ATRNL1: variants seen among roughly 807,000 people sequenced by gnomAD.
ATRNL1 encodes attractin like 1, also known as attractin-like protein 1.
ATRNL1 carries 95 observed loss-of-function variants against 182.7 expected under a neutral mutation model. That is an observed-to-expected ratio of 0.52 (90% CI 0.44 to 0.62). The LOEUF is 0.62. Ranked by LOEUF, ATRNL1 falls within the 20% of genes least tolerant of loss-of-function variation. The probability of loss-of-function intolerance (pLI) is 0.00; values close to 1 mark genes in which losing one functional copy is unlikely to be tolerated. For missense variants in ATRNL1, 1,471 were observed against 1,679.5 expected (o/e 0.88, Z 2.17); for synonymous variants, 576 against 568.3 (o/e 1.01, Z -0.19).
intron 26 of ATRNL1, among the ~76,000 whole-genome samples, chr10:115,565,640 C>T (rs1396649164): frequency 1.3e-5 from 2 of 152,072 alleles, no homozygotes; most frequent in African/African-American, 4.8e-5. Flanking sequence ...AGCACACACT[C>T]ATCAACTACT....
intron 10 of ATRNL1, among the ~76,000 whole-genome samples, chr10:115,255,577 C>A (rs1317641237): frequency 1.2e-4 from 18 of 152,182 alleles, no homozygotes; most frequent in African/African-American, 4.3e-4. Flanking sequence ...ATCATGTCAT[C>A]TGCAAACAGG....
intron 26 of ATRNL1, among the ~76,000 whole-genome samples, chr10:115,601,728 CT>C (rs1318694241): frequency 3.3e-5 from 5 of 152,088 alleles, no homozygotes; most frequent in African/African-American, 1.2e-4. Context: ...ATTTTTCTTT[CT>C]TTCTAACTTG....
chr10:115,585,871 T>G (rs1402898741), intron 26 of ATRNL1, among the ~76,000 whole-genome samples: 1 of 49,914 alleles, frequency 2.0e-5, no homozygotes, highest in Admixed American at 1.9e-4. Flanking sequence ...CATTTTGGCA[T>G]GATTTTGCAG....
chr10:115,413,115 G>T (rs1291127897), intron 20 of ATRNL1, among the ~76,000 whole-genome samples: 7 of 152,134 alleles, frequency 4.6e-5, no homozygotes, highest in African/African-American at 9.7e-5. Context: ...ATGAGGTGGG[G>T]AGTCATTGGT....
At chr10:115,116,493 G>T (rs1297478876) in intron 1 of ATRNL1, among the ~76,000 whole-genome samples, 1 of 151,978 alleles carries the variant, frequency 6.6e-6, no homozygotes, top group Non-Finnish European at 1.5e-5. Flanking sequence ...GTATGGTCCT[G>T]GAGTGCAAGA....
intron 27 of ATRNL1, among the ~76,000 whole-genome samples, chr10:115,827,339 T>C (rs1248926604): frequency 6.6e-6 from 1 of 152,212 alleles, no homozygotes; most frequent in Non-Finnish European, 1.5e-5. Context: ...AGTCATAACA[T>C]TGGCTTGTGT....
At chr10:115,484,951 GAGA>G in intron 24 of ATRNL1, among the ~76,000 whole-genome samples, 1 of 151,914 alleles carries the variant, frequency 6.6e-6, no homozygotes, top group African/African-American at 2.4e-5. Flanking sequence ...ATGAAATTGA[GAGA>G]AGGAGTTGGC....
chr10:115,566,584 G>A lies in ATRNL1; in HGVS notation c.3795+17048G>A, dbSNP rs533728019. ...AGTTGAGTTGCTAAATGATATTACG[G>A]AGACTATTATGAATATTTTAGGAAT... is the stretch of plus-strand genomic sequence containing the variant. On this transcript the variant is annotated intron_variant, in intron 26 of 28. Transcript: ENST00000355044. Among the ~76,000 whole-genome samples, 25 of 152,174 alleles carry A rather than the reference G, an allele frequency of 1.6e-4. No individual in the cohort carries two copies. The South Asian group carries it at 5.2e-3, about 32-fold the overall frequency.
At chr10:115,561,704 G>GTTTGTGTGT (rs1554999746) in intron 26 of ATRNL1, among the ~76,000 whole-genome samples, 1 of 144,938 alleles carries the variant, frequency 6.9e-6, no homozygotes, top group Admixed American at 6.9e-5. Context: ...TGTGTGTGTG[G>GTTTGTGTGT]GTGTGTGTGT....
At chr10:115,286,084 T>TG in intron 14 of ATRNL1, 132 bp from the exon 15 acceptor site, 1 of 537,128 alleles carries the variant, frequency 1.9e-6, no homozygotes, top group Non-Finnish European at 3.2e-6. Flanking sequence ...AAAATTTATT[T>TG]GAAATATTGA....
chr10:115,869,550 A>G (rs1555105571), intron 28 of ATRNL1, among the ~76,000 whole-genome samples: 1 of 152,060 alleles, frequency 6.6e-6, no homozygotes, highest in Non-Finnish European at 1.5e-5. Flanking sequence ...TTTCTCTTCT[A>G]CTGTTCATTT....
Position 115,093,746 on chromosome 10 carries a change from G to A in ATRNL1, c.-5G>A. Reference sequence around the variant, plus strand: ...CAGTCTCGCCGGGCAGGGGCGCCGGGGAAGATGGAGACTGGGGGCCGGGCC... The same window carrying A: ...CAGTCTCGCCGGGCAGGGGCGCCGGAGAAGATGGAGACTGGGGGCCGGGCC... On this transcript the variant is annotated 5_prime_UTR_variant, in exon 1 of 29. Transcript: ENST00000355044. This position sits in a 1 kb window ranked among gnomAD's most constrained non-coding sequence, Gnocchi z 6.1. The A allele has an allele frequency of 1.4e-6, 2 of 1,414,488 alleles. No individual in the cohort carries two copies. Among genetic ancestry groups the A allele is most frequent in the Non-Finnish European group, 1.8e-6 (2 of 1,091,672 alleles). 87.6% of individuals were successfully genotyped at this position (1,414,488 alleles called of 1,614,324 possible).
At chr10:115,478,980 C>T (rs1848645896) in intron 24 of ATRNL1, among the ~76,000 whole-genome samples, 1 of 151,216 alleles carries the variant, frequency 6.6e-6, no homozygotes, top group African/African-American at 2.4e-5. Context: ...AATTACATGC[C>T]AATCAAGCAA....
At chr10:115,144,559 C>A (rs903667593) in intron 5 of ATRNL1, among the ~76,000 whole-genome samples, 2 of 152,134 alleles carry the variant, frequency 1.3e-5, no homozygotes, top group African/African-American at 4.8e-5. Context: ...GCCCAAAATG[C>A]TGGGATTACA....
At chr10:115,144,305 G>A (rs1284144897) in intron 5 of ATRNL1, among the ~76,000 whole-genome samples, 1 of 152,040 alleles carries the variant, frequency 6.6e-6, no homozygotes, top group Non-Finnish European at 1.5e-5. Flanking sequence ...CTGCCACCAT[G>A]CCCGTCTAAT....
At chr10:115,362,094 A>G (rs913131159) in intron 19 of ATRNL1, among the ~76,000 whole-genome samples, 1 of 151,736 alleles carries the variant, frequency 6.6e-6, no homozygotes, top group Non-Finnish European at 1.5e-5. Context: ...TATCCAAAAG[A>G]AAAAAAAATT....
At chr10:115,260,901 A>G in intron 10 of ATRNL1, among the ~76,000 whole-genome samples, 1 of 152,110 alleles carries the variant, frequency 6.6e-6, no homozygotes. Context: ...TATCTCAGTA[A>G]TAGAATTGAA....
chr10:115,495,893 A>T (rs539384982), intron 24 of ATRNL1, among the ~76,000 whole-genome samples: 1 of 152,226 alleles, frequency 6.6e-6, no homozygotes, highest in Admixed American at 6.5e-5. Flanking sequence ...TTCTGCCTTG[A>T]TGATCTGTCT....
intron 26 of ATRNL1, among the ~76,000 whole-genome samples, chr10:115,565,396 G>C (rs538597080): frequency 6.6e-6 from 1 of 152,194 alleles, no homozygotes; most frequent in South Asian, 2.1e-4. Context: ...AAATGAATGT[G>C]TGTGTGAGTT....
Sources: gnomAD v4.1 joint callset for allele counts (sites outside exome capture counted in the v4.1 genomes callset) on GRCh38, gnomAD v4.1.1 for gene constraint, Gnocchi (gnomAD v3.1) non-coding constraint, MANE v1.5 for transcripts, NCBI Gene and HGNC (gene_info 2026-07-23, HGNC 2026-07-21) for gene names.